The following GPC5 variants were observed in gnomAD, a reference collection of about 807,000 sequenced individuals.
GPC5 encodes the protein glypican-5.
In GPC5, 47 loss-of-function variants were observed where a neutral mutation model predicts 53.9. The ratio of observed to expected loss-of-function variants is 0.87; its 90% CI spans 0.69 to 1.11. The LOEUF (loss-of-function observed/expected upper bound fraction) is 1.11. GPC5 is among the 50% of genes most tolerant of loss of function. GPC5 has a pLI of 0.00. For synonymous variants in GPC5, 286 were observed against 263.3 expected (o/e 1.09, Z -0.84); for missense variants, 748 against 713.1 (o/e 1.05, Z -0.56).
At position 91,951,742 on chromosome 13, in the gene GPC5, G is replaced by C. The variant is rs73612917; in HGVS notation, c.1401+43685G>C. On this transcript the variant is annotated intron_variant, in intron 6 of 7. Transcript: ENST00000377067. The stretch of plus-strand genomic sequence containing the variant: ...AATAAAATTAGAGGTGTGTCTCCAA[G>C]GTAGAAGAAAGGAAAACATCAAAAT... 3.9e-3 allele frequency among the ~76,000 whole-genome samples: 594 copies of C among 152,190 alleles called. 5 individuals carry two copies. Among genetic ancestry groups the C allele is most frequent in the African/African-American group, 0.014 (563 of 41,546 alleles).
chr13:92,363,387 G>A (rs991156204), intron 7 of GPC5, among the ~76,000 whole-genome samples: 3 of 151,616 alleles, frequency 2.0e-5, no homozygotes, highest in Admixed American at 6.6e-5. Context: ...TCTGCAGGAC[G>A]GAGGGTAGAG....
At chr13:91,693,935 C>T in intron 3 of GPC5, 54 bp downstream of exon 3, 1 of 1,316,990 alleles carries the variant, frequency 7.6e-7, no homozygotes, top group Admixed American at 1.9e-5. Flanking sequence ...AAATATTAGC[C>T]ATGATATACT....
At chr13:91,911,785 T>C (rs536892273) in intron 6 of GPC5, among the ~76,000 whole-genome samples, 5 of 152,266 alleles carry the variant, frequency 3.3e-5, no homozygotes, top group African/African-American at 1.2e-4. Context: ...TTGGGATTTG[T>C]TAATGGATTG....
chr13:92,243,231 A>G (rs35730801), intron 7 of GPC5, among the ~76,000 whole-genome samples: 4,437 of 152,248 alleles, frequency 0.029, 87 homozygotes, highest in Non-Finnish European at 0.046. Flanking sequence ...TTTTGTGCCA[A>G]TGTTGCATTT....
rs2138974373 is a variant in GPC5, at chr13:91,568,392, CTT to C, written c.325+119471_325+119472del. 2.0e-5 allele frequency among the ~76,000 whole-genome samples: 3 copies of C among 152,210 alleles called. No homozygotes were observed. The East Asian group carries it at 5.8e-4, about 29-fold the overall frequency. On this transcript the variant is annotated intron_variant, in intron 2 of 7. Coordinates refer to ENST00000377067, the MANE Select transcript of GPC5 (RefSeq NM_004466.6). ...CATTAAAGTTTGAGAACTGAACAAA[CTT>C]ATAAAATGCTTCAGTAGATCAGCAG...
At chr13:91,783,002 A>T (rs1457871565) in intron 5 of GPC5, among the ~76,000 whole-genome samples, 1 of 152,072 alleles carries the variant, frequency 6.6e-6, no homozygotes, top group Non-Finnish European at 1.5e-5. Flanking sequence ...TGAAAAAAAA[A>T]ACTTGAATTA....
chr13:92,280,754 G>A (rs148396772), intron 7 of GPC5, among the ~76,000 whole-genome samples: 38 of 152,152 alleles, frequency 2.5e-4, no homozygotes, highest in Middle Eastern at 3.4e-3. Context: ...AAAATATGAC[G>A]GGGTGCGGGG....
chr13:92,166,818 T>C (rs919251178), intron 7 of GPC5, among the ~76,000 whole-genome samples: 1 of 152,098 alleles, frequency 6.6e-6, no homozygotes, highest in Non-Finnish European at 1.5e-5. Context: ...AAGAAAGCAA[T>C]ACTCATTTGT....
intron 6 of GPC5, among the ~76,000 whole-genome samples, chr13:91,972,287 AC>A (rs1566371358): frequency 6.6e-6 from 1 of 152,018 alleles, no homozygotes; most frequent in Non-Finnish European, 1.5e-5. Context: ...TAGGATTGCA[AC>A]CCCTGCCTTT....
At chr13:91,919,102 CTAT>C (rs1221972740) in intron 6 of GPC5, among the ~76,000 whole-genome samples, 1 of 152,154 alleles carries the variant, frequency 6.6e-6, no homozygotes, top group Non-Finnish European at 1.5e-5. Context: ...ATGCTTAAGC[CTAT>C]TTCTTGGGTG....
intron 2 of GPC5, among the ~76,000 whole-genome samples, chr13:91,547,405 A>G (rs1181223322): frequency 1.3e-5 from 2 of 152,214 alleles, no homozygotes; most frequent in South Asian, 2.1e-4. Context: ...AATAACCTAG[A>G]TGAAATGGAC....
chr13:92,787,521 T>C (rs1159214345), intron 7 of GPC5, among the ~76,000 whole-genome samples: 4 of 151,456 alleles, frequency 2.6e-5, no homozygotes. Flanking sequence ...AAACTTATAA[T>C]TAAAGTAAAG....
intron 7 of GPC5, among the ~76,000 whole-genome samples, chr13:92,519,660 C>A (rs1197514760): frequency 6.6e-6 from 1 of 152,040 alleles, no homozygotes; most frequent in Non-Finnish European, 1.5e-5. Context: ...GCACTAAATG[C>A]CCACAAGAGA....
chr13:92,616,285 C>A (rs1884688680), intron 7 of GPC5, among the ~76,000 whole-genome samples: 1 of 152,170 alleles, frequency 6.6e-6, no homozygotes, highest in African/African-American at 2.4e-5. Flanking sequence ...TGTGCTTCCA[C>A]TATAGAAACA....
chr13:92,113,800 T>C (rs1212076224), intron 6 of GPC5, among the ~76,000 whole-genome samples: 1 of 151,532 alleles, frequency 6.6e-6, no homozygotes, highest in Non-Finnish European at 1.5e-5. Flanking sequence ...AGTAAGACAC[T>C]TTAAATAAGT....
intron 7 of GPC5, among the ~76,000 whole-genome samples, chr13:92,493,188 A>G (rs1172450998): frequency 6.6e-6 from 1 of 152,232 alleles, no homozygotes. Context: ...TGAATCTCAT[A>G]TATTGACATG....
At chr13:91,794,245 G>C (rs1047371285) in intron 5 of GPC5, among the ~76,000 whole-genome samples, 6 of 152,046 alleles carry the variant, frequency 3.9e-5, no homozygotes, top group African/African-American at 9.7e-5. Context: ...TTTTATCTTA[G>C]ACTAGTGAGA....
At chr13:91,949,396 C>A (rs2040005484) in intron 6 of GPC5, among the ~76,000 whole-genome samples, 1 of 152,056 alleles carries the variant, frequency 6.6e-6, no homozygotes, top group Non-Finnish European at 1.5e-5. Context: ...TAGAAATGAA[C>A]AGTGAAAGAT....
chr13:92,260,349 A>G (rs545205840), intron 7 of GPC5, among the ~76,000 whole-genome samples: 25 of 152,336 alleles, frequency 1.6e-4, no homozygotes, highest in African/African-American at 5.8e-4. Context: ...TCTCTTTGGA[A>G]TATAGCATCT....
Sources: gnomAD v4.1 joint callset for allele counts (sites outside exome capture counted in the v4.1 genomes callset) on GRCh38, gnomAD v4.1.1 for gene constraint, MANE v1.5 for transcripts, NCBI Gene and HGNC (gene_info 2026-07-23, HGNC 2026-07-21) for gene names.